ZZEF1: variants seen among roughly 807,000 people sequenced by gnomAD.
ZZEF1 encodes the protein zinc finger ZZ-type and EF-hand domain-containing protein 1.
In ZZEF1, 157 loss-of-function variants were observed where a neutral mutation model predicts 342.8. The ratio of observed to expected loss-of-function variants is 0.46; its 90% CI spans 0.40 to 0.52. ZZEF1 has a LOEUF of 0.52. Among genes scored for constraint, ZZEF1 ranks in the 20% least tolerant of loss-of-function variants. ZZEF1 has a pLI of 0.00. For synonymous variants in ZZEF1, 1,505 were observed against 1,429.1 expected (o/e 1.05, Z -1.20); for missense variants, 3,480 against 3,725.6 (o/e 0.93, Z 1.72).
intron 25 of ZZEF1, chr17:4,071,540 T>A (rs548709390): frequency 2.0e-5 from 3 of 152,426 alleles, no homozygotes; most frequent in East Asian, 3.9e-4. Flanking sequence ...ACGAATGTCA[T>A]AAGGCAGGTG....
chr17:4,085,484 T>C (rs1308761460), intron 16 of ZZEF1, among the ~76,000 whole-genome samples, 186 bp downstream of exon 16: 1 of 152,232 alleles, frequency 6.6e-6, no homozygotes, highest in African/African-American at 2.4e-5. Context: ...AGATTGGGAA[T>C]ACGTGTCATC....
chr17:4,091,840 G>T (rs887553698), intron 11 of ZZEF1, among the ~76,000 whole-genome samples: 1 of 151,702 alleles, frequency 6.6e-6, no homozygotes, highest in Admixed American at 6.6e-5. Context: ...ACTTTGGGAG[G>T]CTGAGGCAGG....
rs2055788598 is a variant in ZZEF1 at position 4,005,819 on chromosome 17, C to T, written c.*1071G>A. 6.6e-6 allele frequency: 1 copy of T among 152,286 alleles called. No individual in the cohort carries two copies. The highest frequency in any genetic ancestry group is 2.4e-5 in the African/African-American group (1 of 41,450). 9.4% of individuals were successfully genotyped at this position (152,286 alleles called of 1,614,324 possible). A position where few individuals can be genotyped will look rare whatever the true frequency, so the allele number is the denominator to read the frequency against. The stretch of plus-strand genomic sequence containing the variant: ...TAAGGCCGGCACGCAGCCCACACGC[C>T]AGACTTGCTTCATGTTCCCAAGCGT... On this transcript the variant is annotated 3_prime_UTR_variant, in exon 55 of 55. Transcript: ENST00000381638.
At chr17:4,036,554 G>C (rs1194214767) in intron 39 of ZZEF1, among the ~76,000 whole-genome samples, 1 of 152,012 alleles carries the variant, frequency 6.6e-6, no homozygotes, top group Non-Finnish European at 1.5e-5. Context: ...GACCAACATG[G>C]TGAAACCTCA....
At chr17:4,076,149 T>TTTTTTTTTTTTTTG (rs71312932) in intron 21 of ZZEF1, 1 of 144,850 alleles carries the variant, frequency 6.9e-6, no homozygotes, top group African/African-American at 2.6e-5. Context: ...TTTTTTTTTT[T>TTTTTTTTTTTTTTG]GAGACGGAGT....
chr17:4,070,724 C>T lies in ZZEF1; in HGVS notation c.4035G>A (p.Val1345=), dbSNP rs146796061. The change falls in exon 26 of 55, where the codon GTG becomes GTA. Residue 1345 remains valine (V), a synonymous_variant. Transcript: ENST00000381638. ...TCTCATATAAATCTGGAGTGCGATA[C>T]ACCAGAGCAGCAAAGGTGGCGTTCA... ...QAVNATFAAL[V]YRTPDLYEKL... The T allele has an allele frequency of 2.0e-5, 32 of 1,613,986 alleles. 1 individual carries two copies. The highest frequency in any genetic ancestry group is 2.5e-5 in the Non-Finnish European group (29 of 1,180,036).
At chr17:4,021,363 G>A in intron 44 of ZZEF1, 43 bp from the exon 45 acceptor site, 1 of 1,519,384 alleles carries the variant, frequency 6.6e-7, no homozygotes, top group African/African-American at 1.4e-5. Context: ...CACTCAGTGG[G>A]CGGGAAGATG....
At chr17:4,033,825 T>C (rs1433170763) in intron 40 of ZZEF1, 190 bp downstream of exon 40, 7 of 691,082 alleles carry the variant, frequency 1.0e-5, no homozygotes, top group African/African-American at 7.2e-5. Context: ...TGTTTTAACG[T>C]TGGTGTTAAG....
intron 21 of ZZEF1, 30 bp downstream of exon 21, chr17:4,076,607 C>T (rs369610161): frequency 1.3e-5 from 20 of 1,592,340 alleles, no homozygotes; most frequent in Admixed American, 5.0e-5. Flanking sequence ...AGAGAGAACA[C>T]GGGGCGGCTC....
intron 25 of ZZEF1, 75 bp downstream of exon 25, chr17:4,072,533 T>C: frequency 6.8e-7 from 1 of 1,468,636 alleles, no homozygotes; most frequent in Admixed American, 2.4e-5. Flanking sequence ...GAAACACAAG[T>C]GTTTATAACT....
intron 42 of ZZEF1, among the ~76,000 whole-genome samples, chr17:4,027,694 G>A (rs191100639): frequency 1.3e-4 from 20 of 149,630 alleles, no homozygotes; most frequent in South Asian, 2.1e-4. Flanking sequence ...TGATCTCCTC[G>A]GCTCAAGTGA....
At position 4,132,023 on chromosome 17, in the gene ZZEF1, A is replaced by G. The variant is rs182442970; in HGVS notation, c.355-7972T>C. Among the ~76,000 whole-genome samples the G allele has an allele frequency of 5.1e-3, 776 of 152,240 alleles. 7 individuals are homozygous for G. The highest frequency in any genetic ancestry group is 0.018 in the African/African-American group (735 of 41,522). ...GAAAACAATCACAAAGAACATAAACATATTACTTGGTAATACAGCGTTAAA... is the reference window on the plus strand; with the variant it reads ...GAAAACAATCACAAAGAACATAAACGTATTACTTGGTAATACAGCGTTAAA... On this transcript the variant is annotated intron_variant, in intron 1 of 54. Transcript: ENST00000381638.
chr17:4,020,038 A>G, intron 45 of ZZEF1: 1 of 337,046 alleles, frequency 3.0e-6, no homozygotes, highest in Non-Finnish European at 5.3e-6. Flanking sequence ...CAATGCTGAC[A>G]GTAGATACTT....
intron 36 of ZZEF1, 86 bp downstream of exon 36, chr17:4,050,695 A>T (rs776286287): frequency 1.5e-5 from 24 of 1,586,824 alleles, no homozygotes; most frequent in Admixed American, 3.5e-5. Flanking sequence ...CCACCTGTAA[A>T]CTAAGCTTAG....
At chr17:4,038,536 G>A (rs1597796440) in intron 39 of ZZEF1, among the ~76,000 whole-genome samples, 1 of 152,190 alleles carries the variant, frequency 6.6e-6, no homozygotes, top group African/African-American at 2.4e-5. Context: ...CGGGCGCAGC[G>A]GCTCACGCCT....
chr17:4,052,614 C>A lies in ZZEF1; in HGVS notation c.5435-478G>T, dbSNP rs544489524. On this transcript the variant is annotated intron_variant, in intron 34 of 54. Coordinates refer to ENST00000381638, the MANE Select transcript of ZZEF1 (RefSeq NM_015113.4). The stretch of plus-strand genomic sequence containing the variant: ...AGGCGTTGTGGCTCATGCCTGTAAT[C>A]CCAGCACTTTGGGAGGCCGAGGCAG... Among the ~76,000 whole-genome samples the A allele has an allele frequency of 9.2e-5, 14 of 152,286 alleles. No homozygotes were observed. In the South Asian group the frequency reaches 2.9e-3, roughly 32 times the overall value.
rs149701038 is a variant in ZZEF1 at position 4,051,019 on chromosome 17, C to G, written c.5625G>C (p.Thr1875=). Residue 1875 remains threonine, a synonymous_variant, in exon 36 of 55, where the codon ACG becomes ACC. Transcript: ENST00000381638. ...SYGHLPTHSI[T]AHPMVTIRIS... The stretch of plus-strand genomic sequence containing the variant: ...TCCGAATGGTTACCATTGGGTGGGC[C>G]GTGATGCTGTGGGTAGGCAAATGGC... The G allele has an allele frequency of 9.9e-6, 16 of 1,613,998 alleles. No homozygotes were observed. The African/African-American group carries it at 1.9e-4, about 19-fold the overall frequency.
chr17:4,100,441 T>C (rs1285832665), intron 9 of ZZEF1, among the ~76,000 whole-genome samples: 1 of 151,962 alleles, frequency 6.6e-6, no homozygotes, highest in Non-Finnish European at 1.5e-5. Flanking sequence ...ATTTTTAAAA[T>C]CCACTCAATC....
At chr17:4,064,855 G>GAA (rs71383514) in intron 28 of ZZEF1, 26 bp from the exon 29 acceptor site, 87,455 of 1,027,232 alleles carry the variant, frequency 0.085, 2,311 homozygotes, top group African/African-American at 0.22. Context: ...AATCATAATT[G>GAA]AAAAAAAAAA....
Sources: gnomAD v4.1 joint callset for allele counts (sites outside exome capture counted in the v4.1 genomes callset) on GRCh38, gnomAD v4.1.1 for gene constraint, MANE v1.5 for transcripts, NCBI Gene and HGNC (gene_info 2026-07-23, HGNC 2026-07-21) for gene names.